Variants in RANBP10 observed in about 807,000 individuals in gnomAD.
The protein encoded by RANBP10 is ran-binding protein 10.
In RANBP10, 24 loss-of-function variants were observed where a neutral mutation model predicts 72.8. That is an observed-to-expected ratio of 0.33 (90% CI 0.24 to 0.46). RANBP10 has a LOEUF of 0.46. Among genes scored for constraint, RANBP10 ranks in the 20% least tolerant of loss-of-function variants. The pLI is 1.00. For missense variants in RANBP10, 679 were observed against 817.5 expected (o/e 0.83, Z 2.07); for synonymous variants, 310 against 322.3 (o/e 0.96, Z 0.41).
chr16:67,794,410 C>G (rs1260022661), intron 2 of RANBP10, among the ~76,000 whole-genome samples: 1 of 151,678 alleles, frequency 6.6e-6, no homozygotes, highest in African/African-American at 2.4e-5. Context: ...GCACTCCAGC[C>G]TGGGTGACAC....
At chr16:67,772,129 C>T (rs2054619149) in intron 2 of RANBP10, 43 bp from the exon 3 acceptor site, 1 of 1,575,290 alleles carries the variant, frequency 6.3e-7, no homozygotes, top group Non-Finnish European at 8.6e-7. Context: ...TTTTGGTTAG[C>T]AAATGCTCAT....
At chr16:67,756,723 A>C (rs2054292090) in intron 3 of RANBP10, among the ~76,000 whole-genome samples, 1 of 152,024 alleles carries the variant, frequency 6.6e-6, no homozygotes, top group Non-Finnish European at 1.5e-5. Flanking sequence ...CAAAAAACAA[A>C]ACAAAAAACA....
intron 4 of RANBP10, among the ~76,000 whole-genome samples, chr16:67,741,933 T>G (rs2053977236): frequency 6.6e-6 from 1 of 152,186 alleles, no homozygotes; most frequent in Non-Finnish European, 1.5e-5. Flanking sequence ...ATGCATTCTG[T>G]CACTCCAACT....
chr16:67,730,107 C>T lies in RANBP10; in HGVS notation c.890-61G>A. ...TACAGGCCTCTCCCACAGCCACACA[C>T]CTGGGATGCTGCCAGCCTCAGGGTA... On this transcript the variant is annotated intron_variant, in intron 7 of 13. Transcript: ENST00000317506. This position sits in a 1 kb window ranked among gnomAD's most constrained non-coding sequence, Gnocchi z 4.3. 1 of 1,483,498 alleles carries T rather than the reference C, an allele frequency of 6.7e-7. No individual in the cohort carries two copies. Among genetic ancestry groups the T allele is most frequent in the East Asian group, 2.3e-5 (1 of 43,890 alleles). The allele number at this position is 1,483,498 out of a possible 1,614,324, so 91.9% of individuals were successfully genotyped here. A position where few individuals can be genotyped will look rare whatever the true frequency, so the allele number is the denominator to read the frequency against.
chr16:67,788,036 A>C (rs1292951547), intron 2 of RANBP10, among the ~76,000 whole-genome samples: 1 of 152,062 alleles, frequency 6.6e-6, no homozygotes, highest in Non-Finnish European at 1.5e-5. Flanking sequence ...ACTGGGTTTC[A>C]CCATGTTGTC....
chr16:67,729,233 C>G lies in RANBP10; in HGVS notation c.1352+47G>C. The G allele has an allele frequency of 6.3e-7, 1 of 1,597,806 alleles. No individual in the cohort carries two copies. Among genetic ancestry groups the G allele is most frequent in the Non-Finnish European group, 8.5e-7 (1 of 1,171,416 alleles). ...AAAGGACAGACTGCAATGGGCCCAGCTGGCATAAGGCAGAAGGCAGAGGAG... is the reference window on the plus strand; with the variant it reads ...AAAGGACAGACTGCAATGGGCCCAGGTGGCATAAGGCAGAAGGCAGAGGAG... On this transcript the variant is annotated intron_variant, in intron 10 of 13. Transcript: ENST00000317506. This position sits in a 1 kb window ranked among gnomAD's most constrained non-coding sequence, Gnocchi z 7.1.
rs1567682956 is a variant in RANBP10, at chr16:67,744,310, G to A, written c.546C>T (p.Tyr182=). ...CVNLINGTCF[Y]TKNGHSLGIA... is the part of the protein sequence containing the mutation. Reference sequence around the variant, plus strand: ...CACCAAGGCTGTGGCCATTCTTGGTGTAGAAGCAGGTGCCATTGATGAGGT... The same window carrying A: ...CACCAAGGCTGTGGCCATTCTTGGTATAGAAGCAGGTGCCATTGATGAGGT... Residue 182 remains tyrosine (Y), a synonymous_variant, in exon 4 of 14, where the codon TAC becomes TAT. Coordinates refer to ENST00000317506, the MANE Select transcript of RANBP10 (RefSeq NM_020850.3). 2 of 1,614,194 alleles carry A rather than the reference G, an allele frequency of 1.2e-6. No homozygotes were observed. Among genetic ancestry groups the A allele is most frequent in the Admixed American group, 1.7e-5 (1 of 60,028 alleles).
At position 67,730,709 on chromosome 16, in the gene RANBP10, T is replaced by C. The variant is rs545439734; in HGVS notation, c.890-663A>G. 6.6e-6 allele frequency among the ~76,000 whole-genome samples: 1 copy of C among 152,294 alleles called. No individual in the cohort carries two copies. Among genetic ancestry groups the C allele is most frequent in the South Asian group, 2.1e-4 (1 of 4,830 alleles). On this transcript the variant is annotated intron_variant, in intron 7 of 13. Coordinates refer to ENST00000317506, the MANE Select transcript of RANBP10 (RefSeq NM_020850.3). The surrounding 1 kb of genome is among the most constrained non-coding windows in gnomAD (Gnocchi z 4.3). The stretch of plus-strand genomic sequence containing the variant: ...TCATAGATCCCAAGTCTGGGATCCC[T>C]TTCCGTCTGTCTGGCTGAGCACAGC...
chr16:67,801,907 A>G (rs1459726597), intron 2 of RANBP10, among the ~76,000 whole-genome samples: 2 of 152,034 alleles, frequency 1.3e-5, no homozygotes, highest in East Asian at 1.9e-4. Context: ...CCAGCCTAGG[A>G]AACATTGTGA....
At chr16:67,788,910 G>C (rs1266531248) in intron 2 of RANBP10, among the ~76,000 whole-genome samples, 2 of 151,384 alleles carry the variant, frequency 1.3e-5, no homozygotes, top group African/African-American at 4.9e-5. Flanking sequence ...TGAGGCAGGG[G>C]AATAGCTTGA....
rs1390297743 is a variant in RANBP10, at chr16:67,765,215, A to C, written c.400+6819T>G. 8.7e-3 allele frequency among the ~76,000 whole-genome samples: 1,301 copies of C among 150,182 alleles called. 18 individuals are homozygous for C. The highest frequency in any genetic ancestry group is 0.011 in the Non-Finnish European group (714 of 67,540). On this transcript the variant is annotated intron_variant, in intron 3 of 13. Coordinates refer to ENST00000317506, the MANE Select transcript of RANBP10 (RefSeq NM_020850.3). ...ACTCCATCTCAAAAAAAAAAAAAAA[A>C]AAAAAAAAAAAAACATTAAAAAATA...
intron 4 of RANBP10, chr16:67,738,881 T>C (rs1313130352): frequency 6.6e-6 from 1 of 152,244 alleles, no homozygotes; most frequent in Non-Finnish European, 1.5e-5. Context: ...GGGAACTAAA[T>C]CCAAAAGATC....
At chr16:67,751,902 A>G (rs2054204786) in intron 3 of RANBP10, among the ~76,000 whole-genome samples, 1 of 152,154 alleles carries the variant, frequency 6.6e-6, no homozygotes, top group Non-Finnish European at 1.5e-5. Context: ...AAAAGAAAAA[A>G]AAAAGAAAGA....
Position 67,769,460 on chromosome 16 carries a change from AAAG to A in RANBP10, c.400+2571_400+2573del, listed in dbSNP as rs1438024935. On this transcript the variant is annotated intron_variant, in intron 3 of 13. Coordinates refer to ENST00000317506, the MANE Select transcript of RANBP10 (RefSeq NM_020850.3). ...CCCTGTCTCAAAAAAAAAAAAAAAA[AAAG>A]TGCTGGGCGCAGTGGCTCACGCCTG... 3.3e-4 allele frequency among the ~76,000 whole-genome samples: 46 copies of A among 139,762 alleles called. 8 individuals carry two copies. The highest frequency in any genetic ancestry group is 2.1e-3 in the East Asian group (10 of 4,702). The allele number at this position is 139,762 out of a possible 152,430, so 91.7% of individuals were successfully genotyped here.
chr16:67,762,315 C>T (rs895732415), intron 3 of RANBP10: 11 of 152,288 alleles, frequency 7.2e-5, no homozygotes, highest in African/African-American at 2.6e-4. Flanking sequence ...CTGTGTCAGG[C>T]ACTAGTCTAA....
intron 3 of RANBP10, 25 bp downstream of exon 3, chr16:67,772,009 A>G: frequency 6.2e-7 from 1 of 1,609,676 alleles, no homozygotes; most frequent in Non-Finnish European, 8.5e-7. Flanking sequence ...GAGCAGAACA[A>G]ATGTTCTCTT....
rs368412385 is a variant in RANBP10 at position 67,806,380 on chromosome 16, G to A, written c.157C>T (p.Leu53=). 1.9e-5 allele frequency: 31 copies of A among 1,612,582 alleles called. No individual in the cohort carries two copies. The African/African-American group carries it at 4.0e-4, about 21-fold the overall frequency. The change falls in exon 1 of 14, where the codon CTG becomes TTG. Residue 53 remains leucine (L), a synonymous_variant. Transcript: ENST00000317506. ...YPAVNQQETP[L]PRSWSPKDKY... is the part of the protein sequence containing the mutation. Reference sequence around the variant, plus strand: ...TCCTTGGGGCTCCAGGAGCGCGGCAGCGGAGTCTCTTGCTGGTTGACCGCG... The same window carrying A: ...TCCTTGGGGCTCCAGGAGCGCGGCAACGGAGTCTCTTGCTGGTTGACCGCG...
In RANBP10 at chr16:67,772,051, T is replaced by G. The variant is rs577309566; in HGVS notation, c.383A>C (p.Asn128Thr). The G allele has an allele frequency of 6.2e-7, 1 of 1,610,318 alleles. No homozygotes were observed. Among genetic ancestry groups the G allele is most frequent in the African/African-American group, 1.4e-5 (1 of 73,968 alleles). The stretch of plus-strand genomic sequence containing the variant: ...TGACTCACCAGGAAGTCTGTTCATG[T>G]TGACGCCTTGAGCCGAGAGTCCTAT... ...MGIGLSAQGVNMNRLPGWDKH... is the reference protein window; with the variant it reads ...MGIGLSAQGVTMNRLPGWDKH... Residue 128 changes from asparagine (N) to threonine (T), a missense_variant, in exon 3 of 14, where the codon AAC becomes ACC. Coordinates refer to ENST00000317506, the MANE Select transcript of RANBP10 (RefSeq NM_020850.3).
At chr16:67,785,748 C>G (rs1014358807) in intron 2 of RANBP10, among the ~76,000 whole-genome samples, 1 of 99,002 alleles carries the variant, frequency 1.0e-5, no homozygotes, top group African/African-American at 6.9e-5. Context: ...AAAAAAAAAG[C>G]CAGGCACAGT....
Sources: gnomAD v4.1 joint callset for allele counts (sites outside exome capture counted in the v4.1 genomes callset) on GRCh38, gnomAD v4.1.1 for gene constraint, Gnocchi (gnomAD v3.1) non-coding constraint, MANE v1.5 for transcripts, NCBI Gene and HGNC (gene_info 2026-07-23, HGNC 2026-07-21) for gene names.